The following SGSM3 variants were observed in gnomAD, a reference collection of about 807,000 sequenced individuals.
SGSM3 encodes RUN and SH3 containing 3.
Under a neutral mutation model 100.5 loss-of-function variants are expected in SGSM3, and 96 were observed. The observed-to-expected ratio is 0.96, with a 90% CI of 0.81 to 1.13. The LOEUF is 1.13. Ranked by LOEUF, SGSM3 falls within the 50% of genes most tolerant of loss-of-function variation. The pLI is 0.00. For synonymous variants in SGSM3, 483 were observed against 422.8 expected (o/e 1.14, Z -1.75); for missense variants, 1,001 against 1,015.8 (o/e 0.99, Z 0.20).
At chr22:40,403,367 G>T (rs190782851) in intron 4 of SGSM3, among the ~76,000 whole-genome samples, 1 of 152,304 alleles carries the variant, frequency 6.6e-6, no homozygotes, top group Admixed American at 6.5e-5. Flanking sequence ...GATATCTCAT[G>T]GACCCAACTG....
intron 1 of SGSM3, among the ~76,000 whole-genome samples, chr22:40,394,051 A>G (rs1333501133): frequency 6.6e-6 from 1 of 152,102 alleles, no homozygotes; most frequent in Non-Finnish European, 1.5e-5. Flanking sequence ...TTTTCTGCCT[A>G]ACTTCTAAAT....
rs766368823 is a variant in SGSM3 at position 40,408,090 on chromosome 22, C to G, written c.1599C>G (p.Phe533Leu). The G allele has an allele frequency of 1.9e-6, 3 of 1,571,766 alleles. No individual in the cohort carries two copies. The South Asian group carries it at 3.3e-5, about 17-fold the overall frequency. The change falls in exon 15 of 22, where the codon TTC becomes TTG. Residue 533 changes from phenylalanine (F) to leucine (L), a missense_variant. By Grantham distance (22) the Phe-to-Leu change is conservative (BLOSUM62 0). Transcript: ENST00000248929. ...NGLRGWFPAK[F>L]VEVLDERSKE... Reference sequence around the variant, plus strand: ...CCACAGGCTGGTTTCCAGCCAAGTTCGTGGAAGTCCTGGATGAGCGCAGCA... The same window carrying G: ...CCACAGGCTGGTTTCCAGCCAAGTTGGTGGAAGTCCTGGATGAGCGCAGCA...
chr22:40,410,073 T>TTGGTTTATAAATAAAC lies in SGSM3; in HGVS notation c.*317_*332dup. The TTGGTTTATAAATAAAC allele has an allele frequency of 7.2e-6, 9 of 1,247,956 alleles. No individual in the cohort carries two copies. The highest frequency in any genetic ancestry group is 9.0e-6 in the Non-Finnish European group (9 of 995,138). The allele number at this position is 1,247,956 out of a possible 1,614,324, so 77.3% of individuals were successfully genotyped here. On this transcript the variant is annotated 3_prime_UTR_variant, in exon 22 of 22. Coordinates refer to ENST00000248929, the MANE Select transcript of SGSM3 (RefSeq NM_015705.6). ...GGTGGCTAGTAGGCTCCTGGCCTCT[T>TTGGTTTATAAATAAAC]TGGTTTATAAATAAACTGTGTCTGT...
In SGSM3 at chr22:40,406,452, C is replaced by T; in HGVS notation, c.975C>T (p.Ile325=). 6.3e-7 allele frequency: 1 copy of T among 1,586,764 alleles called. No individual in the cohort carries two copies. Among genetic ancestry groups the T allele is most frequent in the East Asian group, 2.3e-5 (1 of 44,412 alleles). The change falls in exon 10 of 22, where the codon ATC becomes ATT. Residue 325 remains isoleucine (I), a synonymous_variant. Transcript: ENST00000248929. ...GCATGGCCCAGGAGGAAGAGCTGAT[C>T]CAGTCAGAGAACTCGGCCTCCATCT... is the stretch of plus-strand genomic sequence containing the variant. ...GMLHLKEEEL[I]QSENSASIFN... is the part of the protein sequence containing the mutation.
chr22:40,409,827 C>G lies in SGSM3; in HGVS notation c.*68C>G. The G allele has an allele frequency of 1.3e-6, 2 of 1,551,740 alleles. No individual in the cohort carries two copies. Among genetic ancestry groups the G allele is most frequent in the Non-Finnish European group, 1.7e-6 (2 of 1,155,758 alleles). On this transcript the variant is annotated 3_prime_UTR_variant, in exon 22 of 22. Coordinates refer to ENST00000248929, the MANE Select transcript of SGSM3 (RefSeq NM_015705.6). ...GCCCAGGACCCCAAGCTGCAGAGCC[C>G]AGGGAAGAGCAGCTCCAGAGCCCTG...
intron 1 of SGSM3, among the ~76,000 whole-genome samples, chr22:40,400,485 A>G (rs1447238143): frequency 6.6e-6 from 1 of 152,116 alleles, no homozygotes; most frequent in Non-Finnish European, 1.5e-5. Flanking sequence ...TCTACTAAAA[A>G]GACAAAAATC....
chr22:40,409,708 C>T lies in SGSM3; in HGVS notation c.2199C>T (p.Val733=), dbSNP rs1279900198. The change falls in exon 22 of 22, where the codon GTC becomes GTT. Residue 733 remains valine (V), a synonymous_variant. Coordinates refer to ENST00000248929, the MANE Select transcript of SGSM3 (RefSeq NM_015705.6). ...CGCAGCAGCCCCTGAAGGAGGGCGT[C>T]CGGGACATGCTGGTGAAGCACCACC... ...REAQQPLKEG[V]RDMLVKHHLF... 15 of 1,612,820 alleles carry T rather than the reference C, an allele frequency of 9.3e-6. No homozygotes were observed. Among genetic ancestry groups the T allele is most frequent in the African/African-American group, 1.3e-5 (1 of 74,944 alleles).
At position 40,408,807 on chromosome 22, in the gene SGSM3, G is replaced by A. The variant is rs775361941; in HGVS notation, c.1867G>A (p.Gly623Ser). ...GTGTCCCCTCAGGTTGGATGAAGATGGCAAAGTCCTGACCCCGGAGGAGCT... is the reference window on the plus strand; with the variant it reads ...GTGTCCCCTCAGGTTGGATGAAGATAGCAAAGTCCTGACCCCGGAGGAGCT... The part of the protein sequence containing the change: ...LCKTFRLDED[G>S]KVLTPEELLY... Residue 623 changes from glycine to serine, a missense_variant, in exon 18 of 22, where the codon GGC (glycine) becomes AGC (serine). Gly to Ser is a moderately conservative substitution (Grantham distance 56). Transcript: ENST00000248929. The A allele has an allele frequency of 6.2e-7, 1 of 1,613,682 alleles. No homozygotes were observed. The highest frequency in any genetic ancestry group is 2.2e-5 in the East Asian group (1 of 44,894).
At chr22:40,393,030 A>T (rs956167624) in intron 1 of SGSM3, among the ~76,000 whole-genome samples, 3 of 152,198 alleles carry the variant, frequency 2.0e-5, no homozygotes, top group Admixed American at 6.5e-5. Context: ...CCTTTTATGG[A>T]TGAATAATAT....
chr22:40,410,091 G>GTCTGTC lies in SGSM3; in HGVS notation c.*333_*334insCTGTCT. The GTCTGTC allele has an allele frequency of 1.7e-6, 2 of 1,194,892 alleles. No homozygotes were observed. Among genetic ancestry groups the GTCTGTC allele is most frequent in the East Asian group, 8.3e-5 (2 of 24,124 alleles). The allele number at this position is 1,194,892 out of a possible 1,614,324, so 74.0% of individuals were successfully genotyped here. ...GGCCTCTTTGGTTTATAAATAAACT[G>GTCTGTC]TGTCTGTCTTTGAGAAAGCACCTAC... On this transcript the variant is annotated 3_prime_UTR_variant, in exon 22 of 22. Coordinates refer to ENST00000248929, the MANE Select transcript of SGSM3 (RefSeq NM_015705.6).
At chr22:40,401,747 G>A in intron 3 of SGSM3, 72 bp downstream of exon 3, 1 of 1,350,114 alleles carries the variant, frequency 7.4e-7, no homozygotes, top group Non-Finnish European at 1.1e-6. Context: ...AGCTCTGCAG[G>A]CTGCCCAGGA....
intron 1 of SGSM3, among the ~76,000 whole-genome samples, chr22:40,397,156 C>G (rs1177073554): frequency 6.6e-6 from 1 of 152,202 alleles, no homozygotes; most frequent in Non-Finnish European, 1.5e-5. Context: ...CTTAACAATT[C>G]ACATCCGGCT....
chr22:40,402,560 TG>T (rs2050895165), intron 4 of SGSM3, among the ~76,000 whole-genome samples: 1 of 152,092 alleles, frequency 6.6e-6, no homozygotes, highest in African/African-American at 2.4e-5. Flanking sequence ...GCTAACATGG[TG>T]AAACCCCATC....
chr22:40,404,813 A>G (rs1446800436), intron 6 of SGSM3, 149 bp downstream of exon 6: 2 of 675,422 alleles, frequency 3.0e-6, no homozygotes, highest in Non-Finnish European at 5.0e-6. Flanking sequence ...GGCCAAAGAA[A>G]GAATTGTCCA....
In SGSM3 at chr22:40,404,607, G is replaced by T; in HGVS notation, c.417G>T (p.Leu139=). 6.2e-7 allele frequency: 1 copy of T among 1,613,834 alleles called. No homozygotes were observed. Residue 139 remains leucine, a synonymous_variant, in exon 6 of 22, where the codon CTG becomes CTT. Coordinates refer to ENST00000248929, the MANE Select transcript of SGSM3 (RefSeq NM_015705.6). ...GALQKKRNSE[L]SYREIVKNSS... ...TGCAGAAGAAGAGGAACTCTGAGCT[G>T]TCCTACCGCGAGATTGTGAAGAACA...
chr22:40,405,394 C>G (rs896595325), intron 7 of SGSM3, 110 bp downstream of exon 7: 34 of 1,151,966 alleles, frequency 3.0e-5, no homozygotes, highest in Non-Finnish European at 4.0e-5. Context: ...CCTCCAGGAC[C>G]CCTAACAAGG....
At chr22:40,401,800 G>A in intron 3 of SGSM3, 125 bp downstream of exon 3, 1 of 767,464 alleles carries the variant, frequency 1.3e-6, no homozygotes, top group Non-Finnish European at 2.3e-6. Context: ...CCCCACCAGA[G>A]ATGGTATCTT....
At chr22:40,405,384 C>T (rs999396704) in intron 7 of SGSM3, 100 bp downstream of exon 7, 1 of 1,187,718 alleles carries the variant, frequency 8.4e-7, no homozygotes, top group Non-Finnish European at 1.1e-6. Context: ...CCCAGGGCCT[C>T]CTCCAGGACC....
intron 1 of SGSM3, chr22:40,387,430 GTTTAA>G (rs2048657554): frequency 1.6e-5 from 6 of 376,426 alleles, no homozygotes; most frequent in Admixed American, 9.0e-5. Context: ...GACCTGTGTA[GTTTAA>G]TTATATGAAA....
Sources: allele counts gnomAD v4.1 joint callset (sites outside exome capture counted in the v4.1 genomes callset), GRCh38; gene constraint gnomAD v4.1.1; transcripts MANE v1.5; gene names NCBI Gene and HGNC (gene_info 2026-07-23, HGNC 2026-07-21).